PRKCB: variants seen among roughly 807,000 people sequenced by gnomAD.
PRKCB encodes the protein protein kinase C beta.
PRKCB carries 13 observed loss-of-function variants against 81.5 expected under a neutral mutation model. The ratio of observed to expected loss-of-function variants is 0.16; its 90% CI spans 0.10 to 0.25. The LOEUF (loss-of-function observed/expected upper bound fraction) is 0.25. Ranked by LOEUF, PRKCB falls within the 10% of genes least tolerant of loss-of-function variation. The pLI is 1.00. For missense variants in PRKCB, 509 were observed against 875.7 expected (o/e 0.58, Z 5.29); for synonymous variants, 335 against 321.4 (o/e 1.04, Z -0.45).
chr16:24,002,373 CTCTT>C (rs1458360095), intron 3 of PRKCB, among the ~76,000 whole-genome samples: 2 of 151,536 alleles, frequency 1.3e-5, no homozygotes, highest in African/African-American at 4.9e-5. Flanking sequence ...GAAATGGAGT[CTCTT>C]TCTGTTACCC....
rs1414385601 is a variant in PRKCB at position 24,150,578 on chromosome 16, T to C, written c.1066-4106T>C. ...GAGTTGGAAGAAGTGAAAGGCATGC[T>C]AGGGTTTTCATTTCCAAATTAAACT... On this transcript the variant is annotated intron_variant, in intron 9 of 16. Transcript: ENST00000643927. Among the ~76,000 whole-genome samples, 4 of 152,190 alleles carry C rather than the reference T, an allele frequency of 2.6e-5. No homozygotes were observed. In the East Asian group the frequency reaches 7.7e-4, roughly 29 times the overall value.
At position 24,214,995 on chromosome 16, in the gene PRKCB, G is replaced by A. The variant is rs1470607947; in HGVS notation, c.*179G>A. On this transcript the variant is annotated 3_prime_UTR_variant, in exon 17 of 17. Transcript: ENST00000643927. Reference sequence around the variant, plus strand: ...TAGTTTGGAGCATCTCTATGAGATGGGATTATGCAGATGGCCTATGGAAAA... The same window carrying A: ...TAGTTTGGAGCATCTCTATGAGATGAGATTATGCAGATGGCCTATGGAAAA... The A allele has an allele frequency of 1.4e-6, 2 of 1,407,966 alleles. No homozygotes were observed. The highest frequency in any genetic ancestry group is 1.4e-5 in the African/African-American group (1 of 69,472). 87.2% of individuals were successfully genotyped at this position (1,407,966 alleles called of 1,614,324 possible).
intron 3 of PRKCB, among the ~76,000 whole-genome samples, chr16:24,024,934 G>C (rs941289208): frequency 2.0e-5 from 3 of 152,192 alleles, no homozygotes; most frequent in Admixed American, 2.0e-4. Context: ...TAGCAGGAAG[G>C]AGGAGGGAAG....
intron 3 of PRKCB, among the ~76,000 whole-genome samples, chr16:24,025,038 C>T (rs919619576): frequency 2.0e-5 from 3 of 152,088 alleles, no homozygotes; most frequent in South Asian, 2.1e-4. Context: ...CTCATGAAAG[C>T]GGAGGGAGGG....
intron 3 of PRKCB, among the ~76,000 whole-genome samples, chr16:24,002,330 T>TGCGTGC (rs1965048692): frequency 6.6e-6 from 1 of 150,730 alleles, no homozygotes; most frequent in Non-Finnish European, 1.5e-5. Context: ...TGTGCGTGCG[T>TGCGTGC]GTGTGTGTGT....
chr16:24,074,520 A>G (rs1376913097), intron 5 of PRKCB, among the ~76,000 whole-genome samples: 1 of 152,234 alleles, frequency 6.6e-6, no homozygotes, highest in Non-Finnish European at 1.5e-5. Context: ...GTAAGAGCTC[A>G]TTCACCGTCA....
intron 14 of PRKCB, 73 bp downstream of exon 14, chr16:24,185,264 C>T: frequency 7.0e-7 from 1 of 1,426,388 alleles, no homozygotes; most frequent in Non-Finnish European, 9.8e-7. Flanking sequence ...TAGGAGAATG[C>T]ATGTTTGGTA....
intron 2 of PRKCB, among the ~76,000 whole-genome samples, chr16:23,974,354 C>G (rs1964598135): frequency 6.6e-6 from 1 of 152,024 alleles, no homozygotes; most frequent in African/African-American, 2.4e-5. Context: ...TCCTGAAGTC[C>G]CTTGGATTGA....
At position 24,220,365 on chromosome 16, in the gene PRKCB, AACAG is replaced by A. The variant is rs952939002; in HGVS notation, c.*5553_*5556del. The A allele has an allele frequency of 1.7e-5, 6 of 351,102 alleles. No homozygotes were observed. The Admixed American group carries it at 2.7e-4, about 16-fold the overall frequency. The allele number at this position is 351,102 out of a possible 1,614,324, so 21.7% of individuals were successfully genotyped here. A position where few individuals can be genotyped will look rare whatever the true frequency, so the allele number is the denominator to read the frequency against. ...CAAACTTCCAGAAACTCATCAAATGAACAGACAATGTCAAAACTACTGTGTCTGA... is the reference window on the plus strand; with the variant it reads ...CAAACTTCCAGAAACTCATCAAATGAACAATGTCAAAACTACTGTGTCTGA... On this transcript the variant is annotated 3_prime_UTR_variant, in exon 17 of 17. Transcript: ENST00000643927.
chr16:23,897,245 G>A lies in PRKCB; in HGVS notation c.205+59839G>A, dbSNP rs138070822. Among the ~76,000 whole-genome samples, 8 of 152,298 alleles carry A rather than the reference G, an allele frequency of 5.3e-5. No homozygotes were observed. The East Asian group carries it at 1.3e-3, about 26-fold the overall frequency. On this transcript the variant is annotated intron_variant, in intron 2 of 16. Coordinates refer to ENST00000643927, the MANE Select transcript of PRKCB (RefSeq NM_002738.7). ...TGTAGAGCTCTGAGCAGGGAGGGAC[G>A]CAGTGGGAAAGAGCTGAGAACAATT...
At chr16:24,141,953 A>G (rs1687949051) in intron 9 of PRKCB, among the ~76,000 whole-genome samples, 1 of 152,094 alleles carries the variant, frequency 6.6e-6, no homozygotes, top group Middle Eastern at 3.2e-3. Context: ...CCCTATACAC[A>G]CCCACAGGAG....
intron 3 of PRKCB, among the ~76,000 whole-genome samples, chr16:23,999,708 A>G (rs949375323): frequency 5.3e-5 from 8 of 152,198 alleles, no homozygotes; most frequent in Non-Finnish European, 1.5e-5. Flanking sequence ...ATTATAGGTT[A>G]TTCAGCACTC....
intron 16 of PRKCB, among the ~76,000 whole-genome samples, chr16:24,195,431 C>T (rs1185757712): frequency 1.3e-5 from 2 of 152,080 alleles, no homozygotes; most frequent in Non-Finnish European, 2.9e-5. Context: ...TATCTGTCAG[C>T]GTTTCTGATT....
chr16:24,152,766 T>A (rs1405292081), intron 9 of PRKCB, among the ~76,000 whole-genome samples: 1 of 152,150 alleles, frequency 6.6e-6, no homozygotes, highest in Non-Finnish European at 1.5e-5. Context: ...AAACTGAAGG[T>A]GCCCATCCTA....
intron 10 of PRKCB, 148 bp from the exon 11 acceptor site, chr16:24,172,122 C>T (rs1333290074): frequency 7.0e-5 from 45 of 647,344 alleles, no homozygotes; most frequent in Middle Eastern, 4.1e-4. Context: ...ACAAACCTTA[C>T]CCTTGGGGAA....
intron 2 of PRKCB, among the ~76,000 whole-genome samples, chr16:23,862,747 C>T (rs1962694136): frequency 1.3e-5 from 2 of 152,064 alleles, no homozygotes; most frequent in African/African-American, 4.8e-5. Context: ...CCCCAATTGT[C>T]AGAGGCACTT....
chr16:23,855,323 T>C (rs1962546658), intron 2 of PRKCB, among the ~76,000 whole-genome samples: 2 of 152,174 alleles, frequency 1.3e-5, no homozygotes, highest in African/African-American at 4.8e-5. Context: ...TGTGGGGTCT[T>C]AGGCATCTTT....
intron 3 of PRKCB, among the ~76,000 whole-genome samples, chr16:23,991,972 A>G (rs1174696231): frequency 6.6e-6 from 1 of 152,366 alleles, no homozygotes; most frequent in East Asian, 1.9e-4. Flanking sequence ...TGGTGTTAGA[A>G]GGTGGGCCCC....
In PRKCB at chr16:23,909,138, A is replaced by G. The variant is rs189233248; in HGVS notation, c.205+71732A>G. On this transcript the variant is annotated intron_variant, in intron 2 of 16. Transcript: ENST00000643927. Reference sequence around the variant, plus strand: ...TGCTCTTTTCACTTCGAAGTTCATGATTCGCTTCCTTGTTAGTAGATACCT... The same window carrying G: ...TGCTCTTTTCACTTCGAAGTTCATGGTTCGCTTCCTTGTTAGTAGATACCT... Among the ~76,000 whole-genome samples, 1,316 of 152,252 alleles carry G rather than the reference A, an allele frequency of 8.6e-3. 26 individuals carry two copies. The highest frequency in any genetic ancestry group is 8.4e-3 in the Non-Finnish European group (568 of 68,008).
Sources: gnomAD v4.1 joint callset for allele counts (sites outside exome capture counted in the v4.1 genomes callset) on GRCh38, gnomAD v4.1.1 for gene constraint, MANE v1.5 for transcripts, NCBI Gene and HGNC (gene_info 2026-07-23, HGNC 2026-07-21) for gene names.